The following SYN3 variants were observed in gnomAD, a reference collection of about 807,000 sequenced individuals.
The protein encoded by SYN3 is synapsin-3.
A neutral mutation model predicts 65.8 loss-of-function variants in SYN3; 35 were observed. The ratio of observed to expected loss-of-function variants is 0.53; its 90% CI spans 0.41 to 0.70. The LOEUF (loss-of-function observed/expected upper bound fraction) is 0.70. Among genes scored for constraint, SYN3 ranks in the 30% least tolerant of loss-of-function variants. The pLI, the probability that SYN3 is intolerant of heterozygous loss-of-function variation, is 0.00. For missense variants in SYN3, 680 were observed against 749.0 expected (o/e 0.91, Z 1.08); for synonymous variants, 270 against 292.9 (o/e 0.92, Z 0.80).
At chr22:32,928,126 G>A (rs990191285) in intron 4 of SYN3, among the ~76,000 whole-genome samples, 1 of 152,088 alleles carries the variant, frequency 6.6e-6, no homozygotes, top group Non-Finnish European at 1.5e-5. Context: ...GTCAGGAGAT[G>A]GAGAACATCC....
chr22:32,528,176 T>A (rs1191774908), intron 11 of SYN3, among the ~76,000 whole-genome samples, 171 bp from the exon 12 acceptor site: 2 of 152,232 alleles, frequency 1.3e-5, no homozygotes, highest in Non-Finnish European at 2.9e-5. Context: ...TATACGTCGG[T>A]GTAACCACTG....
At chr22:32,776,476 T>A (rs1021406777) in intron 6 of SYN3, among the ~76,000 whole-genome samples, 2 of 152,156 alleles carry the variant, frequency 1.3e-5, no homozygotes, top group Non-Finnish European at 1.5e-5. Flanking sequence ...ACTGTCAACA[T>A]CCCATTTTAC....
At chr22:32,736,911 T>G (rs773403948) in intron 6 of SYN3, among the ~76,000 whole-genome samples, 7 of 152,146 alleles carry the variant, frequency 4.6e-5, no homozygotes, top group Admixed American at 1.3e-4. Flanking sequence ...GCTCTCCTAT[T>G]CTTTTTTCAC....
At chr22:32,629,048 T>C (rs2059710157) in intron 6 of SYN3, among the ~76,000 whole-genome samples, 1 of 152,154 alleles carries the variant, frequency 6.6e-6, no homozygotes, top group Non-Finnish European at 1.5e-5. Flanking sequence ...GGCAGGTTTA[T>C]GAGCTCGGAG....
intron 7 of SYN3, among the ~76,000 whole-genome samples, chr22:32,555,501 A>G (rs1464496993): frequency 2.0e-5 from 3 of 152,214 alleles, no homozygotes; most frequent in African/African-American, 7.2e-5. Flanking sequence ...AGCTTGGAGC[A>G]TGCTCCCTCC....
intron 6 of SYN3, among the ~76,000 whole-genome samples, chr22:32,609,478 T>G (rs1006054882): frequency 1.4e-5 from 1 of 69,432 alleles, no homozygotes; most frequent in African/African-American, 5.1e-5. Context: ...TGCCTGGTGT[T>G]TTTTTTTTTT....
intron 8 of SYN3, among the ~76,000 whole-genome samples, chr22:32,540,844 C>T (rs953145753): frequency 1.3e-5 from 2 of 152,192 alleles, no homozygotes; most frequent in Non-Finnish European, 2.9e-5. Flanking sequence ...CACGGAATCA[C>T]AATCTTGAGT....
At chr22:32,715,518 C>T (rs751332490) in intron 6 of SYN3, among the ~76,000 whole-genome samples, 66 of 152,108 alleles carry the variant, frequency 4.3e-4, no homozygotes, top group African/African-American at 1.4e-3. Flanking sequence ...CGGTGGCTCA[C>T]GCCTGTAATC....
chr22:33,009,219 G>A (rs2053285300), intron 1 of SYN3, among the ~76,000 whole-genome samples: 1 of 152,050 alleles, frequency 6.6e-6, no homozygotes, highest in Non-Finnish European at 1.5e-5. Context: ...TTCCCATAGT[G>A]GTTGTTTGAT....
intron 6 of SYN3, among the ~76,000 whole-genome samples, chr22:32,776,794 A>C (rs575773678): frequency 3.9e-5 from 6 of 152,332 alleles, no homozygotes; most frequent in Admixed American, 1.3e-4. Flanking sequence ...AGAAGGCATA[A>C]GAATTCAAAG....
chr22:32,927,985 A>C (rs2050519872), intron 4 of SYN3, among the ~76,000 whole-genome samples: 2 of 152,198 alleles, frequency 1.3e-5, no homozygotes, highest in African/African-American at 4.8e-5. Context: ...TAACTTACAA[A>C]GGGGCTGCAT....
rs532052785 is a variant in SYN3 at position 33,040,061 on chromosome 22, G to A, written c.-163+18231C>T. 5.0e-3 allele frequency among the ~76,000 whole-genome samples: 742 copies of A among 148,272 alleles called. 2 individuals are homozygous for A. Among genetic ancestry groups the A allele is most frequent in the Middle Eastern group, 0.01 (3 of 292 alleles). ...TTTTTTTTTTGAGATGGAGTCTCCCGCTCTGTCGCCCAGGCTGGAGTGCAG... is the reference window on the plus strand; with the variant it reads ...TTTTTTTTTTGAGATGGAGTCTCCCACTCTGTCGCCCAGGCTGGAGTGCAG... On this transcript the variant is annotated intron_variant, in intron 1 of 13. Coordinates refer to ENST00000358763, the MANE Select transcript of SYN3 (RefSeq NM_003490.4).
At chr22:33,042,224 C>G (rs2053977011) in intron 1 of SYN3, among the ~76,000 whole-genome samples, 9 of 152,140 alleles carry the variant, frequency 5.9e-5, no homozygotes, top group Admixed American at 5.9e-4. Context: ...CTTGTTTAAG[C>G]TACCCAGTCT....
chr22:32,795,425 A>C (rs2046407179), intron 6 of SYN3, among the ~76,000 whole-genome samples: 1 of 152,172 alleles, frequency 6.6e-6, no homozygotes. Flanking sequence ...CATCCTTCGG[A>C]ATGGGTAACC....
At chr22:32,864,654 C>A in intron 6 of SYN3, 1 of 331,602 alleles carries the variant, frequency 3.0e-6, no homozygotes, top group South Asian at 6.0e-5. Flanking sequence ...AGAACGTGTC[C>A]CCTGATTTGC....
rs796723394 is a variant in SYN3, at chr22:32,657,306, G to T, written c.712-60570C>A. 8.2e-3 allele frequency among the ~76,000 whole-genome samples: 1,252 copies of T among 152,174 alleles called. 16 individuals are homozygous for T. Among genetic ancestry groups the T allele is most frequent in the African/African-American group, 0.029 (1,206 of 41,488 alleles). ...ACCCGGCTGATTTTTTGTATTTTTA[G>T]TAGAGACGGGGTTTCACCATGTTAG... On this transcript the variant is annotated intron_variant, in intron 6 of 13. Coordinates refer to ENST00000358763, the MANE Select transcript of SYN3 (RefSeq NM_003490.4).
intron 7 of SYN3, among the ~76,000 whole-genome samples, chr22:32,554,986 C>A (rs766481276): frequency 1.3e-5 from 2 of 152,210 alleles, no homozygotes; most frequent in Admixed American, 6.5e-5. Context: ...ACTAAAAGAG[C>A]ACCTGGCTCA....
chr22:32,781,701 T>C (rs1198376734), intron 6 of SYN3, among the ~76,000 whole-genome samples: 3 of 151,004 alleles, frequency 2.0e-5, no homozygotes, highest in Admixed American at 2.0e-4. Flanking sequence ...TTATTATTAT[T>C]GTTGTTGTTG....
rs550016724 is a variant in SYN3 at position 32,765,235 on chromosome 22, C to T, written c.711+99680G>A. On this transcript the variant is annotated intron_variant, in intron 6 of 13. Transcript: ENST00000358763. Reference sequence around the variant, plus strand: ...AAATTAGCTCTGGGAACTGGAATGTCGGGGTCTTCAAGGAGCAGCAGCTGT... The same window carrying T: ...AAATTAGCTCTGGGAACTGGAATGTTGGGGTCTTCAAGGAGCAGCAGCTGT... Among the ~76,000 whole-genome samples the T allele has an allele frequency of 1.1e-3, 169 of 152,084 alleles. 1 individual carries two copies. The highest frequency in any genetic ancestry group is 3.7e-3 in the African/African-American group (155 of 41,464).
Sources: gnomAD v4.1 joint callset for allele counts (sites outside exome capture counted in the v4.1 genomes callset) on GRCh38, gnomAD v4.1.1 for gene constraint, MANE v1.5 for transcripts, NCBI Gene and HGNC (gene_info 2026-07-23, HGNC 2026-07-21) for gene names.